Variants in SNTG1 observed in about 807,000 individuals in gnomAD.
The protein encoded by SNTG1 is gamma-1-syntrophin.
SNTG1 carries 39 observed loss-of-function variants against 74.7 expected under a neutral mutation model. That is an observed-to-expected ratio of 0.52 (90% CI 0.40 to 0.68). The LOEUF (loss-of-function observed/expected upper bound fraction) is 0.68, where lower values mean the gene tolerates loss of function less well. SNTG1 is among the 30% of genes least tolerant of loss of function. SNTG1 has a pLI of 0.00. For synonymous variants in SNTG1, 254 were observed against 217.1 expected (o/e 1.17, Z -1.49); for missense variants, 685 against 609.5 (o/e 1.12, Z -1.30).
intron 2 of SNTG1, among the ~76,000 whole-genome samples, chr8:50,180,507 A>C (rs145494810): frequency 1.2e-4 from 19 of 152,348 alleles, no homozygotes; most frequent in African/African-American, 4.3e-4. Context: ...TTGTGAATTT[A>C]CTAAATGCCA....
At chr8:50,716,015 G>T (rs2095474056) in intron 17 of SNTG1, among the ~76,000 whole-genome samples, 1 of 151,912 alleles carries the variant, frequency 6.6e-6, no homozygotes, top group African/African-American at 2.4e-5. Flanking sequence ...AAAAATCTTT[G>T]ATATGGCTTT....
intron 4 of SNTG1, among the ~76,000 whole-genome samples, chr8:50,413,601 T>C (rs1163263599): frequency 6.6e-6 from 1 of 152,248 alleles, no homozygotes; most frequent in Non-Finnish European, 1.5e-5. Context: ...GACCGGAATA[T>C]GAAAATTTAT....
chr8:50,056,324 T>C (rs1036707164), intron 1 of SNTG1, among the ~76,000 whole-genome samples: 45 of 152,240 alleles, frequency 3.0e-4, no homozygotes, highest in African/African-American at 1.1e-3. Context: ...GGACCTAGGA[T>C]TGGCCTTAGG....
At chr8:50,351,372 A>T (rs1418078212) in intron 2 of SNTG1, among the ~76,000 whole-genome samples, 3 of 152,238 alleles carry the variant, frequency 2.0e-5, no homozygotes, top group Non-Finnish European at 4.4e-5. Flanking sequence ...CAGTTTATAC[A>T]GGAAAGGCGC....
intron 1 of SNTG1, among the ~76,000 whole-genome samples, chr8:50,097,083 C>T (rs2079955477): frequency 6.6e-6 from 1 of 152,022 alleles, no homozygotes; most frequent in African/African-American, 2.4e-5. Flanking sequence ...CATTCTCCTG[C>T]CTCAGCCTCC....
chr8:50,277,837 G>T (rs78853723), intron 2 of SNTG1, among the ~76,000 whole-genome samples: 1 of 151,774 alleles, frequency 6.6e-6, no homozygotes, highest in Non-Finnish European at 1.5e-5. Flanking sequence ...TAATTATACC[G>T]TATTAATTTT....
chr8:50,192,125 G>A (rs568854805), intron 2 of SNTG1, among the ~76,000 whole-genome samples: 1 of 152,224 alleles, frequency 6.6e-6, no homozygotes, highest in African/African-American at 2.4e-5. Flanking sequence ...ATCCCACCCT[G>A]AGTGCAGCAC....
At chr8:50,399,858 C>T (rs995106955) in intron 3 of SNTG1, among the ~76,000 whole-genome samples, 1 of 152,174 alleles carries the variant, frequency 6.6e-6, no homozygotes, top group Non-Finnish European at 1.5e-5. Flanking sequence ...TTAAAGTATT[C>T]TCTAGATTAG....
intron 1 of SNTG1, among the ~76,000 whole-genome samples, chr8:49,956,949 T>G (rs1056911772): frequency 1.3e-5 from 2 of 152,184 alleles, no homozygotes; most frequent in African/African-American, 2.4e-5. Context: ...ATGTGGAATG[T>G]AAGAACTCAT....
intron 2 of SNTG1, among the ~76,000 whole-genome samples, chr8:50,203,737 C>G (rs1345371715): frequency 6.7e-6 from 1 of 149,006 alleles, no homozygotes; most frequent in African/African-American, 2.4e-5. Context: ...TGCTATGTGG[C>G]AGAATTAAAT....
chr8:50,793,688 C>G lies in SNTG1; in HGVS notation c.*859C>G, dbSNP rs2095697522. 1 of 151,718 alleles carries G rather than the reference C, an allele frequency of 6.6e-6. No individual in the cohort carries two copies. The highest frequency in any genetic ancestry group is 1.5e-5 in the Non-Finnish European group (1 of 67,816). The allele number at this position is 151,718 out of a possible 1,614,324, so 9.4% of individuals were successfully genotyped here. On this transcript the variant is annotated 3_prime_UTR_variant, in exon 19 of 19. Coordinates refer to ENST00000642720, the MANE Select transcript of SNTG1 (RefSeq NM_018967.5). ...CATAAATTTTCAGTGAACCCAAAAC[C>G]TTTTGTAGAGAAAATAATATAAACA...
chr8:50,692,684 C>T (rs1255718042), intron 15 of SNTG1, among the ~76,000 whole-genome samples: 1 of 152,158 alleles, frequency 6.6e-6, no homozygotes, highest in Non-Finnish European at 1.5e-5. Flanking sequence ...CCCAGTTAGG[C>T]TACTTGGGGG....
intron 2 of SNTG1, among the ~76,000 whole-genome samples, chr8:50,336,251 A>C (rs1050516572): frequency 6.6e-6 from 1 of 152,080 alleles, no homozygotes; most frequent in Non-Finnish European, 1.5e-5. Flanking sequence ...CATCCTGTAG[A>C]CTCTTTCCAA....
chr8:50,342,351 A>G (rs747332751), intron 2 of SNTG1, among the ~76,000 whole-genome samples: 79 of 152,156 alleles, frequency 5.2e-4, no homozygotes, highest in Non-Finnish European at 9.7e-4. Context: ...TTCACCTGAC[A>G]TCATCATTGT....
intron 13 of SNTG1, among the ~76,000 whole-genome samples, chr8:50,637,160 T>C (rs1388161156): frequency 6.6e-6 from 1 of 152,222 alleles, no homozygotes; most frequent in Non-Finnish European, 1.5e-5. Context: ...TACCTTTGTT[T>C]ACCTAACTGT....
rs552203365 is a variant in SNTG1, at chr8:50,151,073, T to C, written c.-102-21488T>C. ...TTTATGGTTGGTAGACTATTAATTATTTCCTCAATTTCAGAGCCTGTTATT... is the reference window on the plus strand; with the variant it reads ...TTTATGGTTGGTAGACTATTAATTACTTCCTCAATTTCAGAGCCTGTTATT... On this transcript the variant is annotated intron_variant, in intron 1 of 18. Coordinates refer to ENST00000642720, the MANE Select transcript of SNTG1 (RefSeq NM_018967.5). Among the ~76,000 whole-genome samples, 6 of 152,314 alleles carry C rather than the reference T, an allele frequency of 3.9e-5. No homozygotes were observed. In the South Asian group the frequency reaches 1.2e-3, roughly 32 times the overall value.
At chr8:50,651,473 G>A (rs187640558) in intron 13 of SNTG1, among the ~76,000 whole-genome samples, 56 of 152,010 alleles carry the variant, frequency 3.7e-4, no homozygotes, top group Admixed American at 3.3e-3. Context: ...TCTTTTGGGG[G>A]GTGGATGGAT....
intron 1 of SNTG1, among the ~76,000 whole-genome samples, chr8:49,949,550 C>A (rs1809515850): frequency 6.6e-6 from 1 of 152,004 alleles, no homozygotes; most frequent in African/African-American, 2.4e-5. Flanking sequence ...TAATTCCTGG[C>A]CTTCATGTAG....
At chr8:50,150,989 C>T (rs1187989823) in intron 1 of SNTG1, among the ~76,000 whole-genome samples, 2 of 152,172 alleles carry the variant, frequency 1.3e-5, no homozygotes, top group African/African-American at 4.8e-5. Context: ...GGAATGGTAC[C>T]AGCTCCTCCT....
Sources: allele counts gnomAD v4.1 joint callset (sites outside exome capture counted in the v4.1 genomes callset), GRCh38; gene constraint gnomAD v4.1.1; transcripts MANE v1.5; gene names NCBI Gene and HGNC (gene_info 2026-07-23, HGNC 2026-07-21).